FOCAD: variants seen among roughly 807,000 people sequenced by gnomAD.
FOCAD encodes focadhesin.
FOCAD carries 198 observed loss-of-function variants against 225.6 expected under a neutral mutation model. That is an observed-to-expected ratio of 0.88 (90% CI 0.78 to 0.99). The LOEUF (loss-of-function observed/expected upper bound fraction) is 0.99, where lower values mean the gene tolerates loss of function less well. Among genes scored for constraint, FOCAD ranks in the 50% least tolerant of loss-of-function variants. FOCAD has a pLI of 0.00. For missense variants in FOCAD, 2,713 were observed against 2,123.6 expected (o/e 1.28, Z -5.46); for synonymous variants, 897 against 755.0 (o/e 1.19, Z -3.08).
intron 19 of FOCAD, among the ~76,000 whole-genome samples, chr9:20,878,927 C>T (rs1412266982): frequency 6.6e-6 from 1 of 152,160 alleles, no homozygotes; most frequent in Non-Finnish European, 1.5e-5. Context: ...CCAAAAGCAG[C>T]AGCAGAAGCC....
intron 15 of FOCAD, among the ~76,000 whole-genome samples, chr9:20,854,271 A>G (rs1028652555): frequency 6.6e-6 from 1 of 151,760 alleles, no homozygotes; most frequent in African/African-American, 2.4e-5. Flanking sequence ...AATTAGAAGG[A>G]AAGGCTCTGA....
chr9:20,763,931 G>A (rs1284233686), intron 6 of FOCAD, among the ~76,000 whole-genome samples: 1 of 152,154 alleles, frequency 6.6e-6, no homozygotes, highest in African/African-American at 2.4e-5. Context: ...TGTAGGGTGG[G>A]AAGTGCTTAA....
In FOCAD at chr9:20,885,219, C is replaced by T. The variant is rs1232148099; in HGVS notation, c.2614C>T (p.Leu872Phe). 2.0e-6 allele frequency: 3 copies of T among 1,520,054 alleles called. No homozygotes were observed. Among genetic ancestry groups the T allele is most frequent in the African/African-American group, 1.4e-5 (1 of 71,516 alleles). The allele number at this position is 1,520,054 out of a possible 1,614,324, so 94.2% of individuals were successfully genotyped here. ...AAGTTTCAAGCAGACTTCACTTGCT[C>T]TTGTACATGAGGTAGGTTCCCGTGT... ...GRSFKQTSLA[L>F]VHEVHIQLSE... The change falls in exon 21 of 44, where the codon CTT becomes TTT. Residue 872 changes from leucine (L) to phenylalanine (F), a missense_variant. By Grantham distance (22) the Leu-to-Phe change is conservative (BLOSUM62 0). Coordinates refer to ENST00000338382, the MANE Select transcript of FOCAD (RefSeq NM_001375567.1).
rs1398213166 is a variant in FOCAD, at chr9:20,982,338, T to G, written c.4639-19T>G. On this transcript the variant is annotated intron_variant, in intron 38 of 43. Coordinates refer to ENST00000338382, the MANE Select transcript of FOCAD (RefSeq NM_001375567.1). ...ATTTTACACTGTTTGTTGACATGTT[T>G]GGGATTTTTCTTTATCAGAGAAAGG... 6.4e-7 allele frequency: 1 copy of G among 1,563,164 alleles called. No individual in the cohort carries two copies. The highest frequency in any genetic ancestry group is 2.2e-5 in the East Asian group (1 of 44,528).
chr9:20,961,621 T>A (rs902505032), intron 35 of FOCAD, among the ~76,000 whole-genome samples: 1 of 152,198 alleles, frequency 6.6e-6, no homozygotes, highest in Non-Finnish European at 1.5e-5. Flanking sequence ...TGTATTTAGC[T>A]ATATATGTAA....
At chr9:20,990,098 A>G in intron 41 of FOCAD, 25 bp from the exon 42 acceptor site, 1 of 1,612,846 alleles carries the variant, frequency 6.2e-7, no homozygotes. Flanking sequence ...AATATGACCT[A>G]ACGTCATTTC....
intron 11 of FOCAD, among the ~76,000 whole-genome samples, chr9:20,817,040 C>A (rs138646317): frequency 6.6e-6 from 1 of 152,104 alleles, no homozygotes; most frequent in African/African-American, 2.4e-5. Context: ...ATCCTGGAAC[C>A]AGTCCCTGTA....
At chr9:20,679,085 G>A (rs1394717029) in intron 2 of FOCAD, among the ~76,000 whole-genome samples, 2 of 150,874 alleles carry the variant, frequency 1.3e-5, no homozygotes, top group Admixed American at 1.3e-4. Flanking sequence ...CAGGAGTGTA[G>A]AAGACAAGGT....
At chr9:20,706,911 G>C (rs1460458212) in intron 1 of FOCAD, among the ~76,000 whole-genome samples, 1 of 152,178 alleles carries the variant, frequency 6.6e-6, no homozygotes, top group African/African-American at 2.4e-5. Flanking sequence ...TCATGTGCGT[G>C]GTTGTGTCTA....
At chr9:20,925,333 A>G (rs1204775635) in intron 25 of FOCAD, among the ~76,000 whole-genome samples, 1 of 152,116 alleles carries the variant, frequency 6.6e-6, no homozygotes, top group Non-Finnish European at 1.5e-5. Context: ...TACCAGTTAT[A>G]CAGTAATTTT....
At chr9:20,982,151 C>CCAAAA (rs986178140) in intron 38 of FOCAD, among the ~76,000 whole-genome samples, 3 of 151,722 alleles carry the variant, frequency 2.0e-5, no homozygotes, top group South Asian at 2.1e-4. Flanking sequence ...AAATGTATAG[C>CCAAAA]CAAAACAAAA....
chr9:20,931,172 C>G (rs995834751), intron 27 of FOCAD, among the ~76,000 whole-genome samples: 1 of 152,122 alleles, frequency 6.6e-6, no homozygotes, highest in South Asian at 2.1e-4. Context: ...GATGATTCCC[C>G]CAGAACACTT....
chr9:20,884,137 A>G (rs1012606148), intron 20 of FOCAD, among the ~76,000 whole-genome samples: 1 of 152,182 alleles, frequency 6.6e-6, no homozygotes, highest in African/African-American at 2.4e-5. Flanking sequence ...TTTTTAAAAA[A>G]CTTAATAGAA....
chr9:20,816,601 G>C (rs929050503), intron 11 of FOCAD, among the ~76,000 whole-genome samples: 1 of 151,904 alleles, frequency 6.6e-6, no homozygotes, highest in African/African-American at 2.4e-5. Context: ...TCAATGTCTT[G>C]GTGGTAAAGT....
chr9:20,697,728 A>G (rs1823490913), intron 1 of FOCAD, among the ~76,000 whole-genome samples: 1 of 152,232 alleles, frequency 6.6e-6, no homozygotes, highest in Non-Finnish European at 1.5e-5. Flanking sequence ...TTGAATTTGG[A>G]AAATTAAAAA....
rs181337688 is a variant in FOCAD, at chr9:20,672,898, T to C, written c.-78+14072T>C. On this transcript the variant is annotated intron_variant, in intron 2 of 45. Coordinates refer to the FOCAD transcript ENST00000380249. ...CATGGATTTAAATCTATTTACAAGT[T>C]GCTTTTATTTAAATAAACTAATAGT... Among the ~76,000 whole-genome samples the C allele has an allele frequency of 4.9e-4, 75 of 152,386 alleles. No homozygotes were observed. In the East Asian group the frequency reaches 9.6e-3, roughly 20 times the overall value.
intron 11 of FOCAD, among the ~76,000 whole-genome samples, chr9:20,815,832 A>T (rs1823675299): frequency 6.6e-6 from 1 of 152,130 alleles, no homozygotes; most frequent in South Asian, 2.1e-4. Context: ...GAGGATCAAG[A>T]GCTGGTAATT....
At chr9:20,971,820 A>G (rs1839793704) in intron 35 of FOCAD, among the ~76,000 whole-genome samples, 1 of 151,666 alleles carries the variant, frequency 6.6e-6, no homozygotes, top group African/African-American at 2.4e-5. Flanking sequence ...GAATTTGACT[A>G]CTTTAGATAC....
At chr9:20,963,739 A>G (rs1838988917) in intron 35 of FOCAD, among the ~76,000 whole-genome samples, 1 of 152,192 alleles carries the variant, frequency 6.6e-6, no homozygotes, top group Non-Finnish European at 1.5e-5. Context: ...TTTTTTGTGA[A>G]ATCAAAGACT....
Sources: allele counts gnomAD v4.1 joint callset (sites outside exome capture counted in the v4.1 genomes callset), GRCh38; gene constraint gnomAD v4.1.1; transcripts MANE v1.5; gene names NCBI Gene and HGNC (gene_info 2026-07-23, HGNC 2026-07-21).